The following BORA variants were observed in gnomAD, a reference collection of about 807,000 sequenced individuals.
The protein encoded by BORA is protein aurora borealis.
Under a neutral mutation model 55.8 loss-of-function variants are expected in BORA, and 26 were observed. The ratio of observed to expected loss-of-function variants is 0.47; its 90% confidence interval spans 0.34 to 0.65. The LOEUF is 0.65. BORA is among the 30% of genes least tolerant of loss of function. The pLI is 0.01. For missense variants in BORA, 568 were observed against 671.5 expected, an observed-to-expected ratio of 0.85 and a Z score of 1.70; for synonymous variants, 201 against 216.9, an observed-to-expected ratio of 0.93 and a Z score of 0.64.
chr13:72,742,792 AC>A, intron 5 of BORA, among the ~76,000 whole-genome samples: 1 of 150,472 alleles, frequency 6.6e-6, no homozygotes, highest in Middle Eastern at 3.4e-3. Flanking sequence ...ACACACACAC[AC>A]ACACACACAC....
Position 72,744,544 on chromosome 13 carries a change from A to G in BORA, c.494A>G (p.Asn165Ser). ...QTLLSLPVDF[N>S]LENILGDYFR... ...TTGCTGTCTCTTCCTGTGGATTTTA[A>G]TTTAGAAAATATATTAGGTAAATAC... The change falls in exon 7 of 12, where the codon AAT (asparagine) becomes AGT (serine). Residue 165 changes from asparagine to serine, a missense_variant. Physicochemically the swap from Asn to Ser is conservative, Grantham distance 46. Coordinates refer to ENST00000390667, the MANE Select transcript of BORA (RefSeq NM_024808.5). The G allele has an allele frequency of 6.2e-7, 1 of 1,609,018 alleles. No individual in the cohort carries two copies. The highest frequency in any genetic ancestry group is 8.5e-7 in the Non-Finnish European group (1 of 1,176,448).
chr13:72,739,078 T>C lies in BORA; in HGVS notation c.388+1035T>C, dbSNP rs536713929. ...AGGTGACCTTGATCAAATTATTCTCTTTGTACCTCAGTCTTTTATTTGTGA... is the reference window on the plus strand; with the variant it reads ...AGGTGACCTTGATCAAATTATTCTCCTTGTACCTCAGTCTTTTATTTGTGA... On this transcript the variant is annotated intron_variant, in intron 5 of 11. Coordinates refer to ENST00000390667, the MANE Select transcript of BORA (RefSeq NM_024808.5). 7.9e-5 allele frequency among the ~76,000 whole-genome samples: 12 copies of C among 152,312 alleles called. No individual in the cohort carries two copies. In the South Asian group the frequency reaches 8.3e-4, roughly 11 times the overall value.
At chr13:72,739,407 C>CT (rs1271635714) in intron 5 of BORA, among the ~76,000 whole-genome samples, 1 of 152,206 alleles carries the variant, frequency 6.6e-6, no homozygotes, top group Non-Finnish European at 1.5e-5. Context: ...CAGAGCTGTG[C>CT]TGTTTACTGT....
At chr13:72,740,575 G>C (rs67241368) in intron 5 of BORA, among the ~76,000 whole-genome samples, 86,066 of 152,046 alleles carry the variant, frequency 0.57, 25,428 homozygotes, top group African/African-American at 0.74. Flanking sequence ...TGTTCTATTG[G>C]ATGCTACTTT....
intron 5 of BORA, among the ~76,000 whole-genome samples, chr13:72,739,359 G>A (rs886064699): frequency 8.5e-5 from 13 of 152,150 alleles, no homozygotes; most frequent in Admixed American, 7.2e-4. Context: ...ATCTAATCAA[G>A]CCCACGATAA....
chr13:72,739,262 A>G (rs73215012), intron 5 of BORA, among the ~76,000 whole-genome samples: 31,117 of 152,152 alleles, frequency 0.2, 3,421 homozygotes, highest in Non-Finnish European at 0.23. Context: ...GATTTTTTAA[A>G]TAACATTTTT....
intron 6 of BORA, among the ~76,000 whole-genome samples, chr13:72,743,929 A>G (rs1356975629): frequency 6.6e-6 from 1 of 151,710 alleles, no homozygotes; most frequent in Non-Finnish European, 1.5e-5. Flanking sequence ...TAGAGACAGC[A>G]TTTCGCCATG....
At chr13:72,738,736 C>T (rs1340903136) in intron 5 of BORA, among the ~76,000 whole-genome samples, 1 of 152,138 alleles carries the variant, frequency 6.6e-6, no homozygotes, top group African/African-American at 2.4e-5. Flanking sequence ...TCAAAAAACA[C>T]AACATAATAA....
At position 72,731,371 on chromosome 13, in the gene BORA, T is replaced by C. The variant is rs759797653; in HGVS notation, c.244T>C (p.Tyr82His). ...DPEDIHRQAL[Y>H]LSHSRIDKDV... is the part of the protein sequence containing the mutation. ...AGAAGATATTCATCGTCAAGCTTTA[T>C]ACTTAAGTCATTCTCGGTAAGTTTT... Residue 82 changes from tyrosine (Y) to histidine (H), a missense_variant, in exon 3 of 12, where the codon TAC becomes CAC. Transcript: ENST00000390667. The C allele has an allele frequency of 1.9e-5, 30 of 1,607,666 alleles. No homozygotes were observed. Among genetic ancestry groups the C allele is most frequent in the Non-Finnish European group, 1.6e-5 (19 of 1,175,180 alleles).
Position 72,733,976 on chromosome 13 carries a change from G to C in BORA, c.261-984G>C, listed in dbSNP as rs975472692. On this transcript the variant is annotated intron_variant, in intron 3 of 11. Transcript: ENST00000390667. ...AGGAACAGAAAACCAAACCCCTCAT[G>C]TTCTCACTTATAAGTGGGAGCTAAA... Among the ~76,000 whole-genome samples the C allele has an allele frequency of 1.2e-4, 19 of 152,204 alleles. No homozygotes were observed. In the South Asian group the frequency reaches 1.5e-3, roughly 12 times the overall value.
In BORA at chr13:72,729,045, T is replaced by G; in HGVS notation, c.105T>G (p.His35Gln). The G allele has an allele frequency of 6.3e-7, 1 of 1,599,152 alleles. No individual in the cohort carries two copies. The highest frequency in any genetic ancestry group is 8.5e-7 in the Non-Finnish European group (1 of 1,175,234). The change falls in exon 2 of 12, where the codon CAT (histidine) becomes CAG (glutamine). Residue 35 changes from histidine (H) to glutamine (Q), a missense_variant. Physicochemically the swap from His to Gln is conservative, Grantham distance 24. Coordinates refer to ENST00000390667, the MANE Select transcript of BORA (RefSeq NM_024808.5). ...FESPSDYSNLHEQTLASPSVF... is the reference protein window; with the variant it reads ...FESPSDYSNLQEQTLASPSVF... ...GTCCTAGTGATTATTCTAATCTCCATGAACAAACTCTCGCCAGTCCTTCTG... is the reference window on the plus strand; with the variant it reads ...GTCCTAGTGATTATTCTAATCTCCAGGAACAAACTCTCGCCAGTCCTTCTG...
At chr13:72,745,286 C>A in intron 8 of BORA, 79 bp downstream of exon 8, 1 of 1,210,330 alleles carries the variant, frequency 8.3e-7, no homozygotes. Context: ...CTATCTTAGG[C>A]TTTCAGCAGC....
At chr13:72,752,855 T>C (rs577959024) in intron 10 of BORA, 1 of 152,340 alleles carries the variant, frequency 6.6e-6, no homozygotes, top group African/African-American at 2.4e-5. Context: ...TTCCCTCTGA[T>C]CCTAACTTGC....
intron 6 of BORA, 152 bp downstream of exon 6, chr13:72,743,754 C>A: frequency 1.7e-6 from 1 of 585,554 alleles, no homozygotes; most frequent in Non-Finnish European, 2.8e-6. Context: ...GACAGGGTCA[C>A]ACTCTGTCAC....
intron 2 of BORA, among the ~76,000 whole-genome samples, chr13:72,730,419 G>A (rs191721270): frequency 6.6e-6 from 1 of 152,278 alleles, no homozygotes; most frequent in Admixed American, 6.5e-5. Context: ...GACTGAATTT[G>A]CCTAGAATAT....
intron 10 of BORA, among the ~76,000 whole-genome samples, chr13:72,751,710 T>C (rs1173949937): frequency 6.6e-6 from 1 of 152,226 alleles, no homozygotes; most frequent in Non-Finnish European, 1.5e-5. Context: ...ATTTATCGTA[T>C]ATTTTCAAAT....
intron 10 of BORA, among the ~76,000 whole-genome samples, chr13:72,749,022 G>T (rs1271303367): frequency 6.6e-6 from 1 of 151,954 alleles, no homozygotes; most frequent in African/African-American, 2.4e-5. Context: ...TTACTCTCTG[G>T]GCCATAACAT....
At chr13:72,753,061 G>A (rs2033321667) in intron 10 of BORA, 1 of 152,158 alleles carries the variant, frequency 6.6e-6, no homozygotes. Context: ...AAGTATTAGG[G>A]TTGTTGAAAG....
rs1339013319 is a variant in BORA at position 72,734,812 on chromosome 13, C to G, written c.261-148C>G. 6 of 555,734 alleles carry G rather than the reference C, an allele frequency of 1.1e-5. No homozygotes were observed. In the South Asian group the frequency reaches 1.5e-4, roughly 14 times the overall value. 34.4% of individuals were successfully genotyped at this position (555,734 alleles called of 1,614,324 possible). On this transcript the variant is annotated intron_variant, in intron 3 of 11. Coordinates refer to ENST00000390667, the MANE Select transcript of BORA (RefSeq NM_024808.5). ...ACTGCCTAAATGTTACTAAATGTTACAAGATACCACTAGTATTAATTATAA... is the reference window on the plus strand; with the variant it reads ...ACTGCCTAAATGTTACTAAATGTTAGAAGATACCACTAGTATTAATTATAA...
Sources: allele counts gnomAD v4.1 joint callset (sites outside exome capture counted in the v4.1 genomes callset), GRCh38; gene constraint gnomAD v4.1.1; transcripts MANE v1.5; gene names NCBI Gene and HGNC (gene_info 2026-07-23, HGNC 2026-07-21).